Variants in MYT1L observed in about 807,000 individuals in gnomAD.
MYT1L encodes the protein myelin transcription factor 1 like, also known as myelin transcription factor 1-like protein.
Under a neutral mutation model 126.7 loss-of-function variants are expected in MYT1L, and 12 were observed. The observed-to-expected ratio is 0.09, with a 90% CI of 0.06 to 0.15. The LOEUF is 0.15. Ranked by LOEUF, MYT1L falls within the 10% of genes least tolerant of loss-of-function variation. The pLI, the probability that MYT1L is intolerant of heterozygous loss-of-function variation, is 1.00. For missense variants in MYT1L, 979 were observed against 1,585.2 expected, an observed-to-expected ratio of 0.62 and a Z score of 6.49; for synonymous variants, 541 against 604.2, an observed-to-expected ratio of 0.90 and a Z score of 1.53.
At chr2:1,989,098 C>CA (rs1402245160) in intron 5 of MYT1L, among the ~76,000 whole-genome samples, 1 of 152,120 alleles carries the variant, frequency 6.6e-6, no homozygotes, top group Non-Finnish European at 1.5e-5. Context: ...AGGACTCCTA[C>CA]AGCCAAACGT....
intron 2 of MYT1L, among the ~76,000 whole-genome samples, chr2:2,254,996 A>T (rs1320817043): frequency 6.6e-6 from 1 of 152,078 alleles, no homozygotes; most frequent in East Asian, 1.9e-4. Context: ...TGTTTTTATG[A>T]TATTTAACCC....
At chr2:2,310,194 A>G (rs1474575320) in intron 1 of MYT1L, among the ~76,000 whole-genome samples, 1 of 152,042 alleles carries the variant, frequency 6.6e-6, no homozygotes, top group Non-Finnish European at 1.5e-5. Context: ...TACTCCACCT[A>G]TACATTGGTA....
At chr2:2,094,852 C>G (rs1482486932) in intron 3 of MYT1L, among the ~76,000 whole-genome samples, 2 of 152,066 alleles carry the variant, frequency 1.3e-5, no homozygotes, top group Non-Finnish European at 2.9e-5. Flanking sequence ...AGCACACCAA[C>G]ATGGCAAATG....
chr2:1,881,351 G>A (rs1558258696), intron 18 of MYT1L, among the ~76,000 whole-genome samples: 2 of 133,040 alleles, frequency 1.5e-5, no homozygotes, highest in African/African-American at 3.0e-5. Context: ...TTGGTTTGCA[G>A]GTTCGTGTGT....
At chr2:2,032,471 C>A (rs1162228934) in intron 4 of MYT1L, among the ~76,000 whole-genome samples, 15 of 121,144 alleles carry the variant, frequency 1.2e-4, no homozygotes, top group Non-Finnish European at 2.2e-4. Flanking sequence ...AGAAGGAGGG[C>A]CTTACACACA....
chr2:1,860,251 G>C (rs1477617544), intron 18 of MYT1L, among the ~76,000 whole-genome samples: 2 of 152,250 alleles, frequency 1.3e-5, no homozygotes, highest in Non-Finnish European at 2.9e-5. Flanking sequence ...CAGTGGAGCG[G>C]CTAAGCAAGA....
chr2:1,881,686 T>C (rs895168545), intron 18 of MYT1L, among the ~76,000 whole-genome samples: 4 of 152,066 alleles, frequency 2.6e-5, no homozygotes, highest in Admixed American at 2.0e-4. Context: ...TGTGGCACAG[T>C]GCTGGGGAGG....
At chr2:1,971,157 G>C (rs1473053964) in intron 8 of MYT1L, among the ~76,000 whole-genome samples, 1 of 152,110 alleles carries the variant, frequency 6.6e-6, no homozygotes, top group African/African-American at 2.4e-5. Context: ...TCCAGCCTGG[G>C]GGAACGGGGT....
At chr2:2,274,897 G>A (rs923428952) in intron 2 of MYT1L, among the ~76,000 whole-genome samples, 2 of 152,088 alleles carry the variant, frequency 1.3e-5, no homozygotes, top group Admixed American at 6.5e-5. Flanking sequence ...ATAAGACCCC[G>A]AGAGCCTCCA....
At chr2:1,868,841 ACTGCAGCG>A (rs1407608360) in intron 18 of MYT1L, among the ~76,000 whole-genome samples, 4 of 152,132 alleles carry the variant, frequency 2.6e-5, no homozygotes, top group Non-Finnish European at 5.9e-5. Flanking sequence ...CAGCTCCTTG[ACTGCAGCG>A]CTGCCAGGCA....
chr2:2,326,408 C>T (rs940285208), intron 1 of MYT1L: 1 of 152,242 alleles, frequency 6.6e-6, no homozygotes, highest in African/African-American at 2.4e-5. Context: ...TGGGACCAGA[C>T]TTACTGGTTA....
chr2:2,161,410 G>T (rs1277389751), intron 3 of MYT1L, among the ~76,000 whole-genome samples: 1 of 152,200 alleles, frequency 6.6e-6, no homozygotes. Flanking sequence ...ATGCTCACTT[G>T]GATTTGCTTC....
intron 3 of MYT1L, among the ~76,000 whole-genome samples, chr2:2,079,571 C>G (rs1328400340): frequency 6.6e-6 from 1 of 152,152 alleles, no homozygotes; most frequent in Non-Finnish European, 1.5e-5. Flanking sequence ...TGTGGGAGGC[C>G]AAGGCGGGTG....
At chr2:2,188,253 C>G (rs536843720) in intron 2 of MYT1L, among the ~76,000 whole-genome samples, 1 of 152,286 alleles carries the variant, frequency 6.6e-6, no homozygotes, top group South Asian at 2.1e-4. Flanking sequence ...TATTGACAAA[C>G]CCAAAACAAC....
intron 3 of MYT1L, among the ~76,000 whole-genome samples, chr2:2,143,947 G>T (rs541237326): frequency 2.0e-5 from 3 of 148,910 alleles, no homozygotes; most frequent in African/African-American, 7.5e-5. Context: ...AGCAATAGAC[G>T]CTGGGGACTA....
At chr2:2,115,337 T>C (rs145740375) in intron 3 of MYT1L, among the ~76,000 whole-genome samples, 150 of 152,354 alleles carry the variant, frequency 9.8e-4, no homozygotes, top group South Asian at 8.3e-3. Context: ...AGAGAGCACA[T>C]AGTAGGTGTT....
At chr2:1,957,666 AATCT>A (rs1302760948) in intron 8 of MYT1L, among the ~76,000 whole-genome samples, 9 of 152,026 alleles carry the variant, frequency 5.9e-5, no homozygotes, top group African/African-American at 1.9e-4. Context: ...ATAATCTATC[AATCT>A]ATCTGTCATC....
At chr2:2,158,472 G>A (rs1180976472) in intron 3 of MYT1L, among the ~76,000 whole-genome samples, 4 of 152,126 alleles carry the variant, frequency 2.6e-5, no homozygotes, top group Non-Finnish European at 2.9e-5. Flanking sequence ...CCATGAGATC[G>A]CTCCTTTCTT....
Position 1,892,230 on chromosome 2 carries a change from G to A in MYT1L, c.2090C>T (p.Pro697Leu), listed in dbSNP as rs543937221. ...GCAGCTCAGGTTGCTGCTGCTGCTG[G>A]GCGCGTAGCTGCTGGTGCTGCTGCT... Reference protein sequence around the residue: ...PSSSSTSSYAPSSSSNLSCGG... With the variant: ...PSSSSTSSYALSSSSNLSCGG... Residue 697 changes from proline (P) to leucine (L), a missense_variant, in exon 15 of 25, where the codon CCC (proline) becomes CTC (leucine). Transcript: ENST00000647738. The A allele has an allele frequency of 6.5e-7, 1 of 1,550,090 alleles. No homozygotes were observed. Among genetic ancestry groups the A allele is most frequent in the Admixed American group, 2.0e-5 (1 of 50,978 alleles).
Sources: gnomAD v4.1 joint callset for allele counts (sites outside exome capture counted in the v4.1 genomes callset) on GRCh38, gnomAD v4.1.1 for gene constraint, MANE v1.5 for transcripts, NCBI Gene and HGNC (gene_info 2026-07-23, HGNC 2026-07-21) for gene names.